Variants in BMP5 observed in about 807,000 individuals in gnomAD.
The protein encoded by BMP5 is bone morphogenetic protein 5.
A neutral mutation model predicts 46.6 loss-of-function variants in BMP5; 23 were observed. That is an observed-to-expected ratio of 0.49 (90% CI 0.35 to 0.70). BMP5 has a LOEUF of 0.70. Among genes scored for constraint, BMP5 ranks in the 30% least tolerant of loss-of-function variants. BMP5 has a pLI of 0.00. For synonymous variants in BMP5, 204 were observed against 191.9 expected, an observed-to-expected ratio of 1.06 and a Z score of -0.52; for missense variants, 545 against 565.6, an observed-to-expected ratio of 0.96 and a Z score of 0.37.
chr6:55,766,880 G>T (rs1774928576), intron 4 of BMP5, among the ~76,000 whole-genome samples: 1 of 151,908 alleles, frequency 6.6e-6, no homozygotes. Flanking sequence ...TTTCATCCAT[G>T]TCTGTTAATT....
chr6:55,781,129 T>C (rs900455150), intron 3 of BMP5, among the ~76,000 whole-genome samples: 1 of 152,146 alleles, frequency 6.6e-6, no homozygotes, highest in Non-Finnish European at 1.5e-5. Context: ...TGAGGTCCTA[T>C]GAACTTTACA....
chr6:55,856,767 C>T (rs1045233765), intron 1 of BMP5, among the ~76,000 whole-genome samples: 7 of 151,978 alleles, frequency 4.6e-5, no homozygotes, highest in African/African-American at 1.7e-4. Flanking sequence ...TGATTTCATA[C>T]ATATCAATAT....
intron 2 of BMP5, among the ~76,000 whole-genome samples, chr6:55,804,029 T>C (rs983847180): frequency 2.0e-5 from 3 of 152,198 alleles, no homozygotes; most frequent in Non-Finnish European, 4.4e-5. Context: ...ATCCCTATAA[T>C]AAATATCTTA....
At chr6:55,833,112 T>C (rs928236059) in intron 1 of BMP5, among the ~76,000 whole-genome samples, 1 of 152,080 alleles carries the variant, frequency 6.6e-6, no homozygotes, top group Admixed American at 6.6e-5. Context: ...CAAGATCCTG[T>C]CTCTAAGAAA....
chr6:55,817,489 C>T (rs1776303060), intron 2 of BMP5, among the ~76,000 whole-genome samples: 1 of 152,032 alleles, frequency 6.6e-6, no homozygotes, highest in Admixed American at 6.6e-5. Flanking sequence ...TCCCAGCAAA[C>T]TATCGCAAGG....
At chr6:55,759,756 C>A (rs897557156) in intron 5 of BMP5, among the ~76,000 whole-genome samples, 5 of 151,630 alleles carry the variant, frequency 3.3e-5, no homozygotes, top group Non-Finnish European at 1.5e-5. Context: ...TGAATGGTTG[C>A]CTTGATATTT....
rs1031276558 is a variant in BMP5, at chr6:55,875,106, T to C, written c.-241A>G. The C allele has an allele frequency of 2.2e-6, 1 of 457,954 alleles. No homozygotes were observed. Among genetic ancestry groups the C allele is most frequent in the African/African-American group, 2.0e-5 (1 of 50,768 alleles). The allele number at this position is 457,954 out of a possible 1,614,324, so 28.4% of individuals were successfully genotyped here. A position where few individuals can be genotyped will look rare whatever the true frequency, so the allele number is the denominator to read the frequency against. On this transcript the variant is annotated 5_prime_UTR_variant, in exon 1 of 7. Coordinates refer to ENST00000370830, the MANE Select transcript of BMP5 (RefSeq NM_021073.4). ...AAGCTGAAACTCAGATTTCCAATTATCCACAGTTGTTAAGAGTTTTTGCTG... is the reference window on the plus strand; with the variant it reads ...AAGCTGAAACTCAGATTTCCAATTACCCACAGTTGTTAAGAGTTTTTGCTG...
intron 1 of BMP5, among the ~76,000 whole-genome samples, chr6:55,834,937 A>C (rs1776753856): frequency 6.6e-6 from 1 of 151,994 alleles, no homozygotes; most frequent in South Asian, 2.1e-4. Flanking sequence ...AAACAAAAAA[A>C]TAGCTGGGCA....
chr6:55,777,679 C>G (rs979775296), intron 3 of BMP5, among the ~76,000 whole-genome samples: 1 of 151,928 alleles, frequency 6.6e-6, no homozygotes, highest in Admixed American at 6.6e-5. Flanking sequence ...GAAGATTGAG[C>G]AATTTTGTGG....
At chr6:55,824,044 T>C (rs1776472390) in intron 1 of BMP5, among the ~76,000 whole-genome samples, 11 of 151,938 alleles carry the variant, frequency 7.2e-5, no homozygotes, top group Admixed American at 7.2e-4. Flanking sequence ...TACCCAACCT[T>C]TTATTTACCA....
chr6:55,794,432 A>T lies in BMP5; in HGVS notation c.684-5T>A. ...AACAAGAACAGATCTGCATCCCTAA[A>T]AAGAAAAGGAACAACAAAAAAAGTT... On this transcript the variant is annotated splice_region_variant and splice_polypyrimidine_tract_variant and intron_variant, in intron 2 of 6. Coordinates refer to ENST00000370830, the MANE Select transcript of BMP5 (RefSeq NM_021073.4). The T allele has an allele frequency of 6.2e-7, 1 of 1,613,764 alleles. No individual in the cohort carries two copies. The highest frequency in any genetic ancestry group is 8.5e-7 in the Non-Finnish European group (1 of 1,179,806).
At chr6:55,809,845 A>C (rs780138899) in intron 2 of BMP5, among the ~76,000 whole-genome samples, 1 of 152,150 alleles carries the variant, frequency 6.6e-6, no homozygotes, top group Non-Finnish European at 1.5e-5. Flanking sequence ...CTTTATTTTC[A>C]TAAAGTACAA....
intron 4 of BMP5, among the ~76,000 whole-genome samples, chr6:55,761,132 G>T (rs990156917): frequency 2.0e-5 from 3 of 151,810 alleles, no homozygotes; most frequent in African/African-American, 7.3e-5. Flanking sequence ...AATCAAAATA[G>T]TTCTTTTTTT....
chr6:55,769,608 C>A (rs1774999520), intron 4 of BMP5, among the ~76,000 whole-genome samples: 1 of 151,794 alleles, frequency 6.6e-6, no homozygotes, highest in Non-Finnish European at 1.5e-5. Flanking sequence ...ATATTTCAAC[C>A]CCTCATAAAT....
intron 1 of BMP5, among the ~76,000 whole-genome samples, chr6:55,849,534 G>A (rs1456963681): frequency 1.3e-5 from 2 of 151,988 alleles, no homozygotes; most frequent in East Asian, 3.9e-4. Flanking sequence ...AAGGCCCTGT[G>A]GAAGGACACT....
intron 1 of BMP5, among the ~76,000 whole-genome samples, chr6:55,853,094 CA>C (rs1284701382): frequency 2.0e-5 from 3 of 150,928 alleles, no homozygotes; most frequent in Non-Finnish European, 4.4e-5. Flanking sequence ...CGCACCACTG[CA>C]ACTCCAGCCT....
At chr6:55,760,340 T>C (rs540740667) in intron 5 of BMP5, 117 bp downstream of exon 5, 95 of 868,116 alleles carry the variant, frequency 1.1e-4, no homozygotes, top group Non-Finnish European at 1.5e-4. Context: ...ATATTCTAAA[T>C]GGTCATGTCA....
chr6:55,784,891 A>G (rs999514553), intron 3 of BMP5, among the ~76,000 whole-genome samples: 1 of 151,908 alleles, frequency 6.6e-6, no homozygotes, highest in Non-Finnish European at 1.5e-5. Context: ...GAGTCAGCAT[A>G]TAAGAGGGTG....
At position 55,759,172 on chromosome 6, in the gene BMP5, A is replaced by AAAAAAAAAAAAAAC. The variant is rs1562023483; in HGVS notation, c.1105-58_1105-57insGTTTTTTTTTTTTT. ...AAAAAAAAAAAAAAAAAAAAAAAAA[A>AAAAAAAAAAAAAAC]AAAAAAAAAAACAACAAGAAAAAAT... On this transcript the variant is annotated intron_variant, in intron 5 of 6. Coordinates refer to ENST00000370830, the MANE Select transcript of BMP5 (RefSeq NM_021073.4). 3.7e-5 allele frequency: 27 copies of AAAAAAAAAAAAAAC among 738,848 alleles called. 3 individuals are homozygous for AAAAAAAAAAAAAAC. Among genetic ancestry groups the AAAAAAAAAAAAAAC allele is most frequent in the South Asian group, 1.7e-4 (8 of 48,062 alleles). The allele number at this position is 738,848 out of a possible 1,614,324, so 45.8% of individuals were successfully genotyped here. A position where few individuals can be genotyped will look rare whatever the true frequency, so the allele number is the denominator to read the frequency against.
Sources: allele counts gnomAD v4.1 joint callset (sites outside exome capture counted in the v4.1 genomes callset), GRCh38; gene constraint gnomAD v4.1.1; transcripts MANE v1.5; gene names NCBI Gene and HGNC (gene_info 2026-07-23, HGNC 2026-07-21).